The following ESRRG variants were observed in gnomAD, a reference collection of about 807,000 sequenced individuals.
ESRRG encodes the protein estrogen related receptor gamma.
A neutral mutation model predicts 44.0 loss-of-function variants in ESRRG; 13 were observed. The observed-to-expected ratio is 0.30, with a 90% CI of 0.19 to 0.47. The LOEUF is 0.47. Ranked by LOEUF, ESRRG falls within the 20% of genes least tolerant of loss-of-function variation. The pLI, the probability that ESRRG is intolerant of heterozygous loss-of-function variation, is 1.00. For synonymous variants in ESRRG, 215 were observed against 214.6 expected (o/e 1.00, Z -0.02); for missense variants, 395 against 580.6 (o/e 0.68, Z 3.29).
At chr1:216,570,113 G>A (rs1036773153) in intron 3 of ESRRG, among the ~76,000 whole-genome samples, 9 of 152,120 alleles carry the variant, frequency 5.9e-5, no homozygotes, top group African/African-American at 1.7e-4. Flanking sequence ...TACTTTAAGC[G>A]TTGATTATCT....
At chr1:216,553,295 G>A (rs1000977756) in intron 5 of ESRRG, among the ~76,000 whole-genome samples, 26 of 152,106 alleles carry the variant, frequency 1.7e-4, no homozygotes, top group Admixed American at 9.2e-4. Context: ...AGGTTAAGCA[G>A]GTGTGAAGCC....
chr1:216,745,489 T>C (rs2091288096), intron 2 of ESRRG, among the ~76,000 whole-genome samples: 2 of 152,122 alleles, frequency 1.3e-5, no homozygotes, highest in South Asian at 4.1e-4. Flanking sequence ...CCATGCCCAA[T>C]ATGTTTTTGC....
chr1:216,805,343 A>G (rs1199246754), intron 2 of ESRRG: 2 of 152,110 alleles, frequency 1.3e-5, no homozygotes, highest in East Asian at 3.9e-4. Flanking sequence ...GTTAGCTAGC[A>G]ATATTCCGAT....
At chr1:216,837,646 A>C (rs961882995) in intron 2 of ESRRG, among the ~76,000 whole-genome samples, 3 of 152,130 alleles carry the variant, frequency 2.0e-5, no homozygotes, top group African/African-American at 7.2e-5. Flanking sequence ...GAGATGAGGA[A>C]TTCCTCATGA....
intron 2 of ESRRG, among the ~76,000 whole-genome samples, chr1:216,751,239 G>T (rs1023094259): frequency 2.0e-5 from 3 of 152,130 alleles, no homozygotes; most frequent in African/African-American, 7.2e-5. Context: ...TATGACTTCA[G>T]CTATAGCTAG....
At chr1:216,795,119 A>G (rs1278687972) in intron 2 of ESRRG, among the ~76,000 whole-genome samples, 1 of 152,118 alleles carries the variant, frequency 6.6e-6, no homozygotes, top group Non-Finnish European at 1.5e-5. Flanking sequence ...TTCTTGCATC[A>G]CTTGACAAAG....
At chr1:216,807,676 T>A (rs1274119528) in intron 2 of ESRRG, among the ~76,000 whole-genome samples, 2 of 151,794 alleles carry the variant, frequency 1.3e-5, no homozygotes, top group African/African-American at 4.8e-5. Context: ...TCCGGTATTC[T>A]CTTAATCTCT....
chr1:216,757,130 C>G (rs11572643), intron 2 of ESRRG, among the ~76,000 whole-genome samples: 2 of 152,006 alleles, frequency 1.3e-5, no homozygotes, highest in African/African-American at 4.8e-5. Context: ...GACTGTAAAT[C>G]TTTATTATAA....
intron 1 of ESRRG, among the ~76,000 whole-genome samples, chr1:217,100,067 C>A (rs1328244458): frequency 6.6e-6 from 1 of 151,738 alleles, no homozygotes; most frequent in East Asian, 1.9e-4. Context: ...AACTGCAAAT[C>A]CAAATAAGTA....
chr1:216,587,441 T>C (rs1233654244), intron 3 of ESRRG, among the ~76,000 whole-genome samples: 1 of 152,190 alleles, frequency 6.6e-6, no homozygotes, highest in Non-Finnish European at 1.5e-5. Flanking sequence ...TTCATTCTAA[T>C]AGTTAAAGTA....
intron 2 of ESRRG, among the ~76,000 whole-genome samples, chr1:216,861,353 C>T (rs2096052180): frequency 6.6e-6 from 1 of 151,838 alleles, no homozygotes; most frequent in African/African-American, 2.4e-5. Context: ...TTGTAAATAG[C>T]TAAAAGAGCA....
intron 2 of ESRRG, among the ~76,000 whole-genome samples, chr1:216,802,025 T>C (rs1474846518): frequency 6.6e-6 from 1 of 152,150 alleles, no homozygotes; most frequent in African/African-American, 2.4e-5. Flanking sequence ...GTTAGTTTGC[T>C]TATTTATTCA....
intron 2 of ESRRG, among the ~76,000 whole-genome samples, chr1:216,811,776 C>A (rs988465907): frequency 6.6e-6 from 1 of 152,066 alleles, no homozygotes; most frequent in African/African-American, 2.4e-5. Context: ...AAATACAGTA[C>A]CATTGATTTT....
chr1:216,714,979 G>T, intron 1 of ESRRG: 2 of 588,646 alleles, frequency 3.4e-6, no homozygotes, highest in Non-Finnish European at 4.3e-6. Flanking sequence ...AAGAATCTCT[G>T]CCTGAGCTTC....
chr1:216,948,722 A>G lies in ESRRG; in HGVS notation c.-105-9049T>C, dbSNP rs537425265. Among the ~76,000 whole-genome samples the G allele has an allele frequency of 2.1e-4, 32 of 152,228 alleles. No homozygotes were observed. The South Asian group carries it at 6.6e-3, about 32-fold the overall frequency. On this transcript the variant is annotated intron_variant, in intron 1 of 7. Coordinates refer to the ESRRG transcript ENST00000359162. ...CTTAATCACTTGTATGTGTTACAAA[A>G]CCAGATGGTTCAAGTGGGTGTTTGT...
At chr1:216,703,635 T>C (rs568815507) in intron 1 of ESRRG, among the ~76,000 whole-genome samples, 4 of 151,214 alleles carry the variant, frequency 2.6e-5, no homozygotes, top group African/African-American at 9.7e-5. Flanking sequence ...CTTTTTTTAA[T>C]GGCATGTTTT....
At chr1:216,531,242 A>ATTT (rs1200055063) in intron 5 of ESRRG, among the ~76,000 whole-genome samples, 1 of 152,134 alleles carries the variant, frequency 6.6e-6, no homozygotes, top group Non-Finnish European at 1.5e-5. Context: ...CTGATGCTTA[A>ATTT]AGACCTAGGC....
chr1:216,964,670 T>C (rs1005355680), intron 1 of ESRRG, among the ~76,000 whole-genome samples: 3 of 152,118 alleles, frequency 2.0e-5, no homozygotes, highest in Admixed American at 6.5e-5. Flanking sequence ...TCACTTCTTC[T>C]TTCTGGTCTA....
At chr1:216,887,889 T>A (rs2057247519) in intron 2 of ESRRG, among the ~76,000 whole-genome samples, 1 of 152,194 alleles carries the variant, frequency 6.6e-6, no homozygotes, top group African/African-American at 2.4e-5. Context: ...TTCAGTCTCC[T>A]GGTGACAAAA....
Sources: allele counts gnomAD v4.1 joint callset (sites outside exome capture counted in the v4.1 genomes callset), GRCh38; gene constraint gnomAD v4.1.1; transcripts MANE v1.5; gene names NCBI Gene and HGNC (gene_info 2026-07-23, HGNC 2026-07-21).